The following ATRNL1 variants were observed in gnomAD, a reference collection of about 807,000 sequenced individuals.
The protein encoded by ATRNL1 is attractin like 1.
A neutral mutation model predicts 182.7 loss-of-function variants in ATRNL1; 95 were observed. The ratio of observed to expected loss-of-function variants is 0.52; its 90% CI spans 0.44 to 0.62. ATRNL1 has a LOEUF of 0.62. ATRNL1 is among the 20% of genes least tolerant of loss of function. The probability of loss-of-function intolerance (pLI) is 0.00; values close to 1 mark genes in which losing one functional copy is unlikely to be tolerated. For missense variants in ATRNL1, 1,471 were observed against 1,679.5 expected, an observed-to-expected ratio of 0.88 and a Z score of 2.17; for synonymous variants, 576 against 568.3, an observed-to-expected ratio of 1.01 and a Z score of -0.19.
chr10:115,929,560 G>A lies in ATRNL1; in HGVS notation c.4019-15098G>A, dbSNP rs1405798063. 2.6e-5 allele frequency among the ~76,000 whole-genome samples: 4 copies of A among 152,072 alleles called. 1 individual carries two copies. The highest frequency in any genetic ancestry group is 2.0e-4 in the Admixed American group (3 of 15,260). The stretch of plus-strand genomic sequence containing the variant: ...ACCCAAGGCTGGAGTAGGTCAGAGG[G>A]TCCAATGAGTTTATCCATCCTCCAG... On this transcript the variant is annotated intron_variant, in intron 28 of 28. Coordinates refer to ENST00000355044, the MANE Select transcript of ATRNL1 (RefSeq NM_207303.4).
chr10:115,425,061 A>C (rs1565028967), intron 20 of ATRNL1, among the ~76,000 whole-genome samples: 4 of 152,080 alleles, frequency 2.6e-5, no homozygotes, highest in Admixed American at 1.3e-4. Flanking sequence ...TTTATAATTA[A>C]TATACAGTAA....
intron 26 of ATRNL1, among the ~76,000 whole-genome samples, chr10:115,584,973 A>C (rs1448845986): frequency 6.8e-6 from 1 of 147,944 alleles, no homozygotes; most frequent in African/African-American, 2.5e-5. Flanking sequence ...GGTTTCAAAA[A>C]ACATCTTTAT....
At chr10:115,302,759 A>G (rs1227003928) in intron 17 of ATRNL1, among the ~76,000 whole-genome samples, 2 of 151,776 alleles carry the variant, frequency 1.3e-5, no homozygotes, top group African/African-American at 4.9e-5. Context: ...ACAAACACAA[A>G]TGGCGTCAGA....
intron 19 of ATRNL1, among the ~76,000 whole-genome samples, chr10:115,387,744 A>C (rs1433801713): frequency 2.6e-5 from 4 of 152,152 alleles, no homozygotes; most frequent in Non-Finnish European, 4.4e-5. Flanking sequence ...AGATTCATCT[A>C]TGTAGCATGT....
intron 24 of ATRNL1, among the ~76,000 whole-genome samples, chr10:115,517,911 C>A (rs1221584251): frequency 6.6e-6 from 1 of 151,608 alleles, no homozygotes; most frequent in African/African-American, 2.4e-5. Context: ...TTTCTTTAAT[C>A]TTTTATAATA....
At chr10:115,234,434 A>T (rs1209072218) in intron 9 of ATRNL1, among the ~76,000 whole-genome samples, 1 of 152,022 alleles carries the variant, frequency 6.6e-6, no homozygotes, top group Non-Finnish European at 1.5e-5. Flanking sequence ...TTTAAAATAT[A>T]TTTACTAAAA....
chr10:115,820,541 T>A lies in ATRNL1; in HGVS notation c.3904-27336T>A, dbSNP rs1565408184. ...TGATTTAAAAACTGATCTCTGATAG[T>A]TTGTTTTTTCCTAATGAAGGCAGGT... On this transcript the variant is annotated intron_variant, in intron 27 of 28. Coordinates refer to ENST00000355044, the MANE Select transcript of ATRNL1 (RefSeq NM_207303.4). The A allele has an allele frequency of 1.3e-5, 2 of 152,108 alleles. 1 individual carries two copies. The highest frequency in any genetic ancestry group is 4.8e-5 in the African/African-American group (2 of 41,444). The allele number at this position is 152,108 out of a possible 1,614,324, so 9.4% of individuals were successfully genotyped here.
chr10:115,882,731 C>A (rs1237030920), intron 28 of ATRNL1, among the ~76,000 whole-genome samples: 14 of 152,228 alleles, frequency 9.2e-5, no homozygotes, highest in African/African-American at 2.9e-4. Context: ...GGCGTCTCTT[C>A]CCCGCAGAGC....
intron 19 of ATRNL1, among the ~76,000 whole-genome samples, chr10:115,381,335 C>T (rs1476947793): frequency 6.6e-6 from 1 of 151,564 alleles, no homozygotes; most frequent in Non-Finnish European, 1.5e-5. Context: ...GGCACAATCT[C>T]GACTCACTGC....
chr10:115,325,065 G>A (rs782766318), intron 18 of ATRNL1, among the ~76,000 whole-genome samples: 10 of 151,984 alleles, frequency 6.6e-5, no homozygotes, highest in Admixed American at 1.3e-4. Flanking sequence ...TAAATGTTGC[G>A]CATCTGTTGC....
chr10:115,658,242 C>T (rs1175646551), intron 26 of ATRNL1, among the ~76,000 whole-genome samples: 1 of 151,256 alleles, frequency 6.6e-6, no homozygotes, highest in African/African-American at 2.4e-5. Flanking sequence ...ACTACAGGCA[C>T]CTGCCACCAT....
At chr10:115,346,280 G>C (rs1458097938) in intron 19 of ATRNL1, among the ~76,000 whole-genome samples, 1 of 151,976 alleles carries the variant, frequency 6.6e-6, no homozygotes, top group African/African-American at 2.4e-5. Context: ...CCTCCTTCCA[G>C]ACCCTAAGAA....
At chr10:115,613,360 C>T (rs1857261084) in intron 26 of ATRNL1, among the ~76,000 whole-genome samples, 1 of 152,206 alleles carries the variant, frequency 6.6e-6, no homozygotes, top group African/African-American at 2.4e-5. Context: ...AACACCCCTA[C>T]ATCCCTCATG....
chr10:115,236,576 G>A (rs1850191056), intron 9 of ATRNL1, among the ~76,000 whole-genome samples: 1 of 151,854 alleles, frequency 6.6e-6, no homozygotes, highest in Non-Finnish European at 1.5e-5. Context: ...TGTTTGTTTT[G>A]TTTTTTTAAC....
intron 25 of ATRNL1, among the ~76,000 whole-genome samples, chr10:115,523,799 T>G (rs572227913): frequency 6.6e-6 from 1 of 152,236 alleles, no homozygotes; most frequent in African/African-American, 2.4e-5. Context: ...TTCTATCTTA[T>G]GAGCACTCCA....
chr10:115,488,603 C>T (rs1849143823), intron 24 of ATRNL1, among the ~76,000 whole-genome samples: 1 of 151,244 alleles, frequency 6.6e-6, no homozygotes, highest in Non-Finnish European at 1.5e-5. Flanking sequence ...CTATTTGATC[C>T]TTCTCTCTTT....
chr10:115,595,587 T>C (rs1856189419), intron 26 of ATRNL1, among the ~76,000 whole-genome samples: 1 of 152,198 alleles, frequency 6.6e-6, no homozygotes, highest in Admixed American at 6.5e-5. Context: ...GCTCTTTTAT[T>C]ACACTCCCAC....
intron 19 of ATRNL1, among the ~76,000 whole-genome samples, chr10:115,378,812 A>G (rs888378109): frequency 3.3e-5 from 5 of 152,246 alleles, no homozygotes; most frequent in Non-Finnish European, 7.3e-5. Context: ...AATCTATAAC[A>G]TATCTATTAA....
intron 17 of ATRNL1, among the ~76,000 whole-genome samples, chr10:115,313,901 G>A (rs772003396): frequency 7.2e-5 from 11 of 152,030 alleles, no homozygotes; most frequent in Non-Finnish European, 1.5e-4. Context: ...TGATAGCATA[G>A]TAACCCAATA....
Sources: allele counts gnomAD v4.1 joint callset (sites outside exome capture counted in the v4.1 genomes callset), GRCh38; gene constraint gnomAD v4.1.1; transcripts MANE v1.5; gene names NCBI Gene and HGNC (gene_info 2026-07-23, HGNC 2026-07-21).